Variants in RBMS1 observed in about 807,000 individuals in gnomAD.
RBMS1 encodes RNA-binding motif, single-stranded-interacting protein 1.
A neutral mutation model predicts 62.3 loss-of-function variants in RBMS1; 17 were observed. That is an observed-to-expected ratio of 0.27 (90% CI 0.19 to 0.41). The LOEUF (loss-of-function observed/expected upper bound fraction) is 0.41, where lower values mean the gene tolerates loss of function less well. RBMS1 is among the 10% of genes least tolerant of loss of function. The probability of loss-of-function intolerance (pLI) is 1.00; values close to 1 mark genes in which losing one functional copy is unlikely to be tolerated. For synonymous variants in RBMS1, 172 were observed against 170.0 expected (o/e 1.01, Z -0.09); for missense variants, 334 against 504.5 (o/e 0.66, Z 3.24).
At chr2:160,304,543 G>A (rs999615689) in intron 4 of RBMS1, among the ~76,000 whole-genome samples, 4 of 152,152 alleles carry the variant, frequency 2.6e-5, no homozygotes, top group East Asian at 1.9e-4. Flanking sequence ...TGGCATATAC[G>A]ATGGTGGTCC....
chr2:160,474,852 A>T (rs546997967), intron 1 of RBMS1, among the ~76,000 whole-genome samples: 1 of 152,326 alleles, frequency 6.6e-6, no homozygotes, highest in African/African-American at 2.4e-5. Context: ...ACAAATATCC[A>T]TTAACTCAAT....
intron 12 of RBMS1, 73 bp downstream of exon 12, chr2:160,277,230 C>A: frequency 7.5e-7 from 1 of 1,338,360 alleles, no homozygotes; most frequent in Non-Finnish European, 1.1e-6. Context: ...GTAGATTTTT[C>A]TGAGTTCTAT....
At chr2:160,476,664 C>T (rs1463543534) in intron 1 of RBMS1, among the ~76,000 whole-genome samples, 2 of 149,844 alleles carry the variant, frequency 1.3e-5, no homozygotes, top group East Asian at 2.0e-4. Flanking sequence ...ACGCCATTCT[C>T]CTGCCTCAGC....
At chr2:160,293,422 G>T (rs941430359) in intron 6 of RBMS1, among the ~76,000 whole-genome samples, 1 of 152,210 alleles carries the variant, frequency 6.6e-6, no homozygotes, top group Non-Finnish European at 1.5e-5. Context: ...ACAAGCTGAA[G>T]CCTTTGAAGG....
At chr2:160,344,621 A>G (rs1692074423) in intron 2 of RBMS1, among the ~76,000 whole-genome samples, 1 of 152,204 alleles carries the variant, frequency 6.6e-6, no homozygotes, top group East Asian at 1.9e-4. Flanking sequence ...AGCCAAGTGC[A>G]TGGAAATGGC....
chr2:160,405,642 GTC>G (rs1695660904), intron 1 of RBMS1, among the ~76,000 whole-genome samples: 1 of 152,160 alleles, frequency 6.6e-6, no homozygotes, highest in African/African-American at 2.4e-5. Context: ...AAAAAAGAAA[GTC>G]TGTTTGTTTT....
intron 1 of RBMS1, among the ~76,000 whole-genome samples, chr2:160,390,522 C>T (rs753127775): frequency 2.9e-4 from 44 of 151,994 alleles, no homozygotes; most frequent in Non-Finnish European, 5.3e-4. Context: ...AAGACCTTGT[C>T]ACTATGAAAA....
At position 160,464,093 on chromosome 2, in the gene RBMS1, C is replaced by A. The variant is rs551347393; in HGVS notation, c.75+29196G>T. 4.6e-5 allele frequency among the ~76,000 whole-genome samples: 7 copies of A among 152,254 alleles called. No individual in the cohort carries two copies. The East Asian group carries it at 1.4e-3, about 29-fold the overall frequency. ...ATGCCAGTGGAAGGATAAATCAAGACATCCCCTTCAGGAAACACACACCAT... is the reference window on the plus strand; with the variant it reads ...ATGCCAGTGGAAGGATAAATCAAGAAATCCCCTTCAGGAAACACACACCAT... On this transcript the variant is annotated intron_variant, in intron 1 of 13. Transcript: ENST00000348849.
intron 2 of RBMS1, among the ~76,000 whole-genome samples, chr2:160,342,443 A>C (rs1573896174): frequency 1.3e-5 from 2 of 152,064 alleles, no homozygotes; most frequent in Non-Finnish European, 2.9e-5. Context: ...CACTCACTCC[A>C]CCCGGAAGCA....
At chr2:160,324,967 T>A (rs6706545) in intron 2 of RBMS1, among the ~76,000 whole-genome samples, 108,269 of 146,684 alleles carry the variant, frequency 0.74, 40,923 homozygotes, top group East Asian at 0.84. Flanking sequence ...TTTAATCTTC[T>A]TAATCTTTTG....
chr2:160,353,789 G>A (rs904710227), intron 2 of RBMS1, among the ~76,000 whole-genome samples: 5 of 152,016 alleles, frequency 3.3e-5, no homozygotes, highest in Admixed American at 1.3e-4. Context: ...ATAAAAAGAC[G>A]AAATCAAGCT....
chr2:160,391,746 G>C (rs1405029667), intron 1 of RBMS1, among the ~76,000 whole-genome samples: 3 of 152,194 alleles, frequency 2.0e-5, no homozygotes, highest in African/African-American at 7.2e-5. Flanking sequence ...GGGAAGCCAA[G>C]ATGGGCAGAC....
intron 1 of RBMS1, among the ~76,000 whole-genome samples, chr2:160,394,369 A>G (rs1171517312): frequency 6.6e-6 from 1 of 152,214 alleles, no homozygotes; most frequent in Non-Finnish European, 1.5e-5. Context: ...TGCTGTAATA[A>G]GTCAGGCAGG....
intron 1 of RBMS1, among the ~76,000 whole-genome samples, chr2:160,485,446 T>A (rs988869585): frequency 2.0e-5 from 3 of 152,210 alleles, no homozygotes. Context: ...TTTGGTTCAA[T>A]GGCAGTGTTA....
At chr2:160,327,159 A>G (rs879314262) in intron 2 of RBMS1, among the ~76,000 whole-genome samples, 2 of 152,210 alleles carry the variant, frequency 1.3e-5, no homozygotes, top group African/African-American at 2.4e-5. Flanking sequence ...ACATCTACAT[A>G]CCTGATTTTT....
Position 160,493,542 on chromosome 2 carries a change from TTCCTCCTCCTCC to T in RBMS1, c.-191_-180del, listed in dbSNP as rs925937562. 4.0e-4 allele frequency: 198 copies of T among 494,936 alleles called. No homozygotes were observed. Among genetic ancestry groups the T allele is most frequent in the Non-Finnish European group, 5.7e-4 (161 of 283,244 alleles). The allele number at this position is 494,936 out of a possible 1,614,324, so 30.7% of individuals were successfully genotyped here. ...AGACGTCCTCCTCCTCCTCCTCCTC[TTCCTCCTCCTCC>T]TCCTCCTCCTCCTCCTCTTCCTCCT... On this transcript the variant is annotated 5_prime_UTR_variant, in exon 1 of 14. Transcript: ENST00000348849.
intron 1 of RBMS1, among the ~76,000 whole-genome samples, chr2:160,488,691 T>C (rs577445749): frequency 8.5e-5 from 13 of 152,358 alleles, no homozygotes; most frequent in African/African-American, 2.9e-4. Context: ...CCAAATGTTA[T>C]GGTGCTGCAT....
At chr2:160,352,002 A>G (rs1692541212) in intron 2 of RBMS1, among the ~76,000 whole-genome samples, 1 of 152,102 alleles carries the variant, frequency 6.6e-6, no homozygotes, top group Admixed American at 6.6e-5. Context: ...GAAAAAATCA[A>G]CCCAGGAGTA....
At chr2:160,387,512 A>G (rs1694644581) in intron 1 of RBMS1, among the ~76,000 whole-genome samples, 2 of 152,080 alleles carry the variant, frequency 1.3e-5, no homozygotes, top group East Asian at 1.9e-4. Context: ...TAGACAGCTG[A>G]CCAGTTTCAG....
Sources: gnomAD v4.1 joint callset for allele counts (sites outside exome capture counted in the v4.1 genomes callset) on GRCh38, gnomAD v4.1.1 for gene constraint, MANE v1.5 for transcripts, NCBI Gene and HGNC (gene_info 2026-07-23, HGNC 2026-07-21) for gene names.